Variants in BIRC6 observed in about 807,000 individuals in gnomAD.
BIRC6 encodes the protein baculoviral IAP repeat containing 6.
A neutral mutation model predicts 503.3 loss-of-function variants in BIRC6; 98 were observed. The observed-to-expected ratio is 0.19, with a 90% confidence interval of 0.17 to 0.23. The LOEUF is 0.23. Among genes scored for constraint, BIRC6 ranks in the 10% least tolerant of loss-of-function variants. The pLI is 1.00. For synonymous variants in BIRC6, 2,240 were observed against 2,078.7 expected (o/e 1.08, Z -2.11); for missense variants, 5,360 against 5,806.0 (o/e 0.92, Z 2.50).
chr2:32,425,434 C>CTTTTT (rs200528146), intron 10 of BIRC6, among the ~76,000 whole-genome samples: 1 of 134,276 alleles, frequency 7.4e-6, no homozygotes, highest in African/African-American at 2.7e-5. Context: ...TCTGGTAATT[C>CTTTTT]TTTTTTTTTT....
intron 17 of BIRC6, 35 bp from the exon 18 acceptor site, chr2:32,442,030 G>A (rs750150429): frequency 2.1e-6 from 3 of 1,437,484 alleles, no homozygotes; most frequent in Non-Finnish European, 2.8e-6. Flanking sequence ...GTTCTGTTTT[G>A]TTTGGTAATG....
At chr2:32,555,948 C>T (rs1418225815) in intron 65 of BIRC6, among the ~76,000 whole-genome samples, 1 of 150,472 alleles carries the variant, frequency 6.6e-6, no homozygotes, top group Non-Finnish European at 1.5e-5. Flanking sequence ...GAGTAACCTG[C>T]CACTTTATTT....
intron 68 of BIRC6, among the ~76,000 whole-genome samples, chr2:32,595,684 T>C (rs571877917): frequency 6.6e-6 from 1 of 152,346 alleles, no homozygotes; most frequent in South Asian, 2.1e-4. Context: ...ACTATTATTG[T>C]CTATGCTGCT....
At chr2:32,558,914 G>A (rs1386128988) in intron 65 of BIRC6, 1 of 152,030 alleles carries the variant, frequency 6.6e-6, no homozygotes, top group Admixed American at 6.6e-5. Context: ...CTATTTTTTA[G>A]TTTTTTTAGG....
chr2:32,470,123 C>T (rs764363917), intron 30 of BIRC6, 45 bp from the exon 31 acceptor site: 73 of 1,349,772 alleles, frequency 5.4e-5, no homozygotes, highest in Admixed American at 1.9e-4. Context: ...ATTGAACAAT[C>T]GAATTGATTC....
intron 8 of BIRC6, among the ~76,000 whole-genome samples, chr2:32,404,376 G>A (rs1416528842): frequency 1.3e-5 from 2 of 151,222 alleles, no homozygotes; most frequent in East Asian, 3.9e-4. Context: ...GGAGTGCAGT[G>A]GTGCGATCCT....
At chr2:32,527,947 G>A (rs1045768632) in intron 59 of BIRC6, 2 of 152,152 alleles carry the variant, frequency 1.3e-5, no homozygotes, top group African/African-American at 4.8e-5. Context: ...ACGGCAGCGT[G>A]CATTAACAAC....
intron 16 of BIRC6, among the ~76,000 whole-genome samples, chr2:32,440,929 T>G (rs895953327): frequency 1.3e-5 from 2 of 151,730 alleles, no homozygotes; most frequent in Non-Finnish European, 2.9e-5. Context: ...TTGGCTAACT[T>G]TTGTATTTTT....
intron 46 of BIRC6, 50 bp downstream of exon 46, chr2:32,500,159 GTT>G: frequency 7.0e-7 from 1 of 1,428,620 alleles, no homozygotes; most frequent in Non-Finnish European, 9.4e-7. Context: ...ACTATAACTG[GTT>G]TTTTTTTAAG....
intron 12 of BIRC6, among the ~76,000 whole-genome samples, chr2:32,432,068 T>C (rs74177013): frequency 0.046 from 6,967 of 152,092 alleles, 247 homozygotes; most frequent in Non-Finnish European, 0.073. Context: ...AATATGACCA[T>C]TGTTGTTGGA....
At chr2:32,546,282 A>G (rs1005345036) in intron 63 of BIRC6, among the ~76,000 whole-genome samples, 3 of 152,204 alleles carry the variant, frequency 2.0e-5, no homozygotes, top group Non-Finnish European at 4.4e-5. Context: ...ATTGTATTGT[A>G]GAACATACCA....
At chr2:32,518,085 T>TAA (rs376934502) in intron 55 of BIRC6, among the ~76,000 whole-genome samples, 169 bp from the exon 56 acceptor site, 2 of 145,236 alleles carry the variant, frequency 1.4e-5, no homozygotes, top group Admixed American at 6.9e-5. Flanking sequence ...CTTTCCTCCT[T>TAA]AAAAAAAAAA....
chr2:32,381,558 T>C (rs1399259186), intron 3 of BIRC6, among the ~76,000 whole-genome samples: 1 of 149,568 alleles, frequency 6.7e-6, no homozygotes, highest in East Asian at 2.0e-4. Flanking sequence ...TTTTTTTTTT[T>C]GGTTCGAGAC....
At position 32,543,471 on chromosome 2, in the gene BIRC6, A is replaced by C. The variant is rs146143546; in HGVS notation, c.12522A>C (p.Leu4174=). 527 of 1,614,030 alleles carry C rather than the reference A, an allele frequency of 3.3e-4. No homozygotes were observed. The highest frequency in any genetic ancestry group is 4.2e-4 in the Non-Finnish European group (494 of 1,179,886). The change falls in exon 62 of 74, where the codon CTA becomes CTC. Residue 4174 remains leucine, a synonymous_variant. Transcript: ENST00000421745. ...GTCTTCCGGGCTATGCGGAAGTGCT[A>C]CTGAAAGAGAGAAAACATGCCCAGT... ...FLRLPGYAEV[L]LKERKHAQCL...
rs41291167 is a variant in BIRC6, at chr2:32,441,343, T to C, written c.3825T>C (p.Asn1275=). Residue 1275 remains asparagine, a synonymous_variant, in exon 17 of 74, where the codon AAT becomes AAC. Transcript: ENST00000421745. ...KVAAGKEKSS[N]VKNENTSGTR... ...GTAATGTTTAGGAAAAATCATCTAA[T>C]GTTAAGAATGAAAATACAAGTGGCA... 119,968 of 1,574,418 alleles carry C rather than the reference T, an allele frequency of 0.076. 5,508 individuals are homozygous for C. Among genetic ancestry groups the C allele is most frequent in the Admixed American group, 0.19 (11,015 of 57,338 alleles).
chr2:32,505,974 A>G (rs2053754551), intron 50 of BIRC6, among the ~76,000 whole-genome samples: 1 of 151,736 alleles, frequency 6.6e-6, no homozygotes, highest in Non-Finnish European at 1.5e-5. Flanking sequence ...AGCCTCATGT[A>G]TAGCTGGGAC....
In BIRC6 at chr2:32,545,778, C is replaced by G; in HGVS notation, c.12728C>G (p.Ala4243Gly). The change falls in exon 63 of 74, where the codon GCC (alanine) becomes GGC (glycine). Residue 4243 changes from alanine (A) to glycine (G), a missense_variant. Coordinates refer to ENST00000421745, the MANE Select transcript of BIRC6 (RefSeq NM_016252.4). Reference sequence around the variant, plus strand: ...AGGCGGATGGCATTGGAAATTGGAGCCTTACACCTCATTCTTGTCTGTCTC... The same window carrying G: ...AGGCGGATGGCATTGGAAATTGGAGGCTTACACCTCATTCTTGTCTGTCTC... ...LLRRMALEIG[A>G]LHLILVCLSA... 6.2e-7 allele frequency: 1 copy of G among 1,613,898 alleles called. No individual in the cohort carries two copies. The highest frequency in any genetic ancestry group is 1.7e-5 in the Admixed American group (1 of 60,022).
chr2:32,477,879 GA>G (rs1026177493), intron 35 of BIRC6, among the ~76,000 whole-genome samples: 7 of 151,674 alleles, frequency 4.6e-5, no homozygotes, highest in African/African-American at 1.5e-4. Context: ...CTTAAAAGAT[GA>G]AAAAAATTCT....
intron 66 of BIRC6, among the ~76,000 whole-genome samples, chr2:32,587,790 A>G (rs912676765): frequency 6.6e-6 from 1 of 152,204 alleles, no homozygotes; most frequent in African/African-American, 2.4e-5. Flanking sequence ...AATAATGTGC[A>G]TTTTACAGAA....
Sources: allele counts gnomAD v4.1 joint callset (sites outside exome capture counted in the v4.1 genomes callset), GRCh38; gene constraint gnomAD v4.1.1; transcripts MANE v1.5; gene names NCBI Gene and HGNC (gene_info 2026-07-23, HGNC 2026-07-21).